Variants in PARP8 observed in about 807,000 individuals in gnomAD.
PARP8 encodes the protein poly(ADP-ribose) polymerase family member 8, also known as protein mono-ADP-ribosyltransferase PARP8.
PARP8 carries 51 observed loss-of-function variants against 124.1 expected under a neutral mutation model. The observed-to-expected ratio is 0.41, with a 90% CI of 0.33 to 0.52. PARP8 has a LOEUF of 0.52. Ranked by LOEUF, PARP8 falls within the 20% of genes least tolerant of loss-of-function variation. The probability of loss-of-function intolerance (pLI) is 0.21; values close to 1 mark genes in which losing one functional copy is unlikely to be tolerated. For synonymous variants in PARP8, 391 were observed against 361.5 expected (o/e 1.08, Z -0.93); for missense variants, 860 against 1,018.9 (o/e 0.84, Z 2.12).
At chr5:50,683,975 A>AT (rs1487305137) in intron 2 of PARP8, among the ~76,000 whole-genome samples, 1 of 152,166 alleles carries the variant, frequency 6.6e-6, no homozygotes, top group Non-Finnish European at 1.5e-5. Context: ...GAACTTAGAC[A>AT]TTTTCGTAAG....
chr5:50,771,443 G>GCCACC (rs1479651082), intron 7 of PARP8, among the ~76,000 whole-genome samples: 2 of 152,222 alleles, frequency 1.3e-5, no homozygotes, highest in Non-Finnish European at 2.9e-5. Flanking sequence ...ACAGGCGTGA[G>GCCACC]CCACTGCGCC....
chr5:50,740,931 G>A (rs1280662428), intron 2 of PARP8, among the ~76,000 whole-genome samples: 1 of 152,070 alleles, frequency 6.6e-6, no homozygotes, highest in African/African-American at 2.4e-5. Flanking sequence ...TACTATCGAA[G>A]TTCTTTCTAA....
chr5:50,824,802 T>G, intron 17 of PARP8, 106 bp from the exon 18 acceptor site: 1 of 803,642 alleles, frequency 1.2e-6, no homozygotes, highest in Non-Finnish European at 2.1e-6. Context: ...CCATAAATTT[T>G]TAAGTCTTAC....
intron 14 of PARP8, among the ~76,000 whole-genome samples, chr5:50,808,109 T>A (rs1479500422): frequency 6.6e-6 from 1 of 151,898 alleles, no homozygotes; most frequent in Non-Finnish European, 1.5e-5. Context: ...CAGTTTTAGG[T>A]GTTAACCAAA....
chr5:50,740,443 A>G (rs1757930496), intron 2 of PARP8, among the ~76,000 whole-genome samples: 1 of 152,164 alleles, frequency 6.6e-6, no homozygotes, highest in Admixed American at 6.5e-5. Flanking sequence ...ACAGTGGAGC[A>G]TAGAGAGAAC....
In PARP8 at chr5:50,819,565, C is replaced by T. The variant is rs1204991506; in HGVS notation, c.1669-1648C>T. 2.0e-5 allele frequency among the ~76,000 whole-genome samples: 3 copies of T among 151,286 alleles called. No individual in the cohort carries two copies. The South Asian group carries it at 6.3e-4, about 32-fold the overall frequency. On this transcript the variant is annotated intron_variant, in intron 15 of 25. Transcript: ENST00000281631. ...AAGCAGTACTCCTGCCTCAGCCACC[C>T]GAGTAGCTGGCGCTGCAGGCACCTG...
intron 18 of PARP8, among the ~76,000 whole-genome samples, chr5:50,825,558 G>C (rs1451027196): frequency 6.6e-6 from 1 of 152,168 alleles, no homozygotes; most frequent in Admixed American, 6.5e-5. Flanking sequence ...TCACCTTGCT[G>C]TGATGCCCAT....
intron 7 of PARP8, among the ~76,000 whole-genome samples, chr5:50,770,146 T>C (rs2149592400): frequency 6.6e-6 from 1 of 152,302 alleles, no homozygotes; most frequent in South Asian, 2.1e-4. Context: ...GGTAATTTTT[T>C]CTCCTATCAA....
Position 50,667,140 on chromosome 5 carries a change from C to A in PARP8, c.45C>A (p.Asp15Glu), listed in dbSNP as rs745308798. 2 of 1,596,254 alleles carry A rather than the reference C, an allele frequency of 1.3e-6. No individual in the cohort carries two copies. Among genetic ancestry groups the A allele is most frequent in the African/African-American group, 2.7e-5 (2 of 74,814 alleles). Residue 15 changes from aspartate (D) to glutamate (E), a missense_variant, in exon 1 of 26, where the codon GAC (aspartate) becomes GAA (glutamate). Physicochemically the swap from Asp to Glu is conservative, Grantham distance 45. Around this residue, in one of 2 missense-constraint regions of PARP8, gnomAD observed 517 missense variants for 544.2 expected, o/e 0.95. Transcript: ENST00000281631. The stretch of plus-strand genomic sequence containing the variant: ...AAGAGCGAATTCAGAAGGATATCGA[C>A]GTCGTGATCCAGAAGTCCAGAGCTG... ...SRQERIQKDIDVVIQKSRAEK... is the reference protein window; with the variant it reads ...SRQERIQKDIEVVIQKSRAEK...
intron 9 of PARP8, among the ~76,000 whole-genome samples, chr5:50,779,521 C>A (rs1312079568): frequency 6.6e-6 from 1 of 152,168 alleles, no homozygotes; most frequent in Admixed American, 6.5e-5. Context: ...CGACACATAG[C>A]TTCTTCATGT....
At chr5:50,754,748 G>T (rs1354168461) in intron 3 of PARP8, among the ~76,000 whole-genome samples, 1 of 152,194 alleles carries the variant, frequency 6.6e-6, no homozygotes, top group Non-Finnish European at 1.5e-5. Context: ...AGATCCCTGA[G>T]GAATTGCCAC....
chr5:50,716,383 A>G (rs1345737965), intron 2 of PARP8, among the ~76,000 whole-genome samples: 1 of 152,076 alleles, frequency 6.6e-6, no homozygotes, highest in Non-Finnish European at 1.5e-5. Context: ...GTGAAGTAGG[A>G]AGGTGCTCTG....
At chr5:50,756,578 A>G (rs1452485040) in intron 3 of PARP8, among the ~76,000 whole-genome samples, 1 of 152,158 alleles carries the variant, frequency 6.6e-6, no homozygotes, top group Non-Finnish European at 1.5e-5. Context: ...CTTAGGCTAA[A>G]GGAGATCAAT....
At chr5:50,701,580 T>C (rs1314492132) in intron 2 of PARP8, among the ~76,000 whole-genome samples, 1 of 152,178 alleles carries the variant, frequency 6.6e-6, no homozygotes, top group African/African-American at 2.4e-5. Flanking sequence ...AATAACTATT[T>C]TAGAAGTGAC....
At chr5:50,698,147 G>C (rs953145220) in intron 2 of PARP8, among the ~76,000 whole-genome samples, 2 of 152,186 alleles carry the variant, frequency 1.3e-5, no homozygotes, top group Non-Finnish European at 2.9e-5. Context: ...GGTGCTCATG[G>C]AATATTTCTC....
intron 3 of PARP8, among the ~76,000 whole-genome samples, chr5:50,755,898 T>C (rs974882451): frequency 6.6e-6 from 1 of 152,204 alleles, no homozygotes; most frequent in Non-Finnish European, 1.5e-5. Context: ...GTCCTTCACA[T>C]CCCTTGTAAG....
At chr5:50,819,561 C>T (rs562768879) in intron 15 of PARP8, among the ~76,000 whole-genome samples, 1 of 151,354 alleles carries the variant, frequency 6.6e-6, no homozygotes, top group South Asian at 2.1e-4. Context: ...CTGCCTCAGC[C>T]ACCCGAGTAG....
intron 2 of PARP8, among the ~76,000 whole-genome samples, chr5:50,676,484 T>C (rs1750652868): frequency 6.6e-6 from 1 of 152,218 alleles, no homozygotes; most frequent in African/African-American, 2.4e-5. Context: ...AGCCCTGAAG[T>C]TGGCAGAGCC....
chr5:50,794,869 C>T lies in PARP8; in HGVS notation c.880C>T (p.Pro294Ser), dbSNP rs780513240. The change falls in exon 12 of 26, where the codon CCC (proline) becomes TCC (serine). Residue 294 changes from proline to serine, a missense_variant. Physicochemically the swap from Pro to Ser is moderately conservative, Grantham distance 74. Coordinates refer to ENST00000281631, the MANE Select transcript of PARP8 (RefSeq NM_024615.4). ...STLRRSPSYP[P>S]PGCGKSKSKL... is the part of the protein sequence containing the mutation. ...ATTTTGAAGGTCGCCAAGTTATCCT[C>T]CCCCTGGTTGTGGCAAAAGCAAATC... 1 of 1,613,248 alleles carries T rather than the reference C, an allele frequency of 6.2e-7. No individual in the cohort carries two copies. The highest frequency in any genetic ancestry group is 2.2e-5 in the East Asian group (1 of 44,870).
Sources: allele counts gnomAD v4.1 joint callset (sites outside exome capture counted in the v4.1 genomes callset), GRCh38; gene constraint gnomAD v4.1.1; regional missense constraint gnomAD v4.1.1; transcripts MANE v1.5; gene names NCBI Gene and HGNC (gene_info 2026-07-23, HGNC 2026-07-21).